ENPP3: variants seen among roughly 807,000 people sequenced by gnomAD.
The protein encoded by ENPP3 is ectonucleotide pyrophosphatase/phosphodiesterase family member 3.
ENPP3 carries 104 observed loss-of-function variants against 117.8 expected under a neutral mutation model. That is an observed-to-expected ratio of 0.88 (90% CI 0.75 to 1.04). The LOEUF is 1.04. Among genes scored for constraint, ENPP3 ranks in the 50% least tolerant of loss-of-function variants. The probability of loss-of-function intolerance (pLI) is 0.00; values close to 1 mark genes in which losing one functional copy is unlikely to be tolerated. For missense variants in ENPP3, 1,026 were observed against 1,051.9 expected, an observed-to-expected ratio of 0.98 and a Z score of 0.34; for synonymous variants, 380 against 349.9, an observed-to-expected ratio of 1.09 and a Z score of -0.96.
At chr6:131,743,824 CAAAATAAAATAAAAT>C (rs3884395) in intron 24 of ENPP3, among the ~76,000 whole-genome samples, 42 of 148,336 alleles carry the variant, frequency 2.8e-4, no homozygotes, top group African/African-American at 2.8e-4. Context: ...GACTCTGTCT[CAAAATAAAATAAAAT>C]AAAATAAAAT....
intron 15 of ENPP3, among the ~76,000 whole-genome samples, chr6:131,717,754 G>T (rs1585711462): frequency 6.6e-6 from 1 of 152,078 alleles, no homozygotes; most frequent in African/African-American, 2.4e-5. Flanking sequence ...GAATATACTA[G>T]CTTCTTTTTA....
At chr6:131,648,914 T>C (rs1778205265) in intron 2 of ENPP3, among the ~76,000 whole-genome samples, 1 of 152,190 alleles carries the variant, frequency 6.6e-6, no homozygotes, top group African/African-American at 2.4e-5. Context: ...TTAGTTTATG[T>C]CTCTCTTTCC....
chr6:131,735,431 C>T (rs1475436843), intron 21 of ENPP3, among the ~76,000 whole-genome samples: 2 of 151,984 alleles, frequency 1.3e-5, no homozygotes, highest in Non-Finnish European at 1.5e-5. Context: ...TTCTTCTTGT[C>T]TTTTGGTGCC....
chr6:131,652,579 G>A lies in ENPP3; in HGVS notation c.315G>A (p.Glu105=). Residue 105 remains glutamate, a synonymous_variant, in exon 4 of 25, where the codon GAG becomes GAA. Transcript: ENST00000357639. ...TGTGCAATAAATTTCGTTGTGGAGA[G>A]ACCAGATTAGAGGCCAGCCTTTGCT... The part of the protein sequence containing the change: ...IWMCNKFRCG[E]TRLEASLCSC... 1 of 1,613,986 alleles carries A rather than the reference G, an allele frequency of 6.2e-7. No individual in the cohort carries two copies. The highest frequency in any genetic ancestry group is 8.5e-7 in the Non-Finnish European group (1 of 1,179,906).
intron 20 of ENPP3, among the ~76,000 whole-genome samples, chr6:131,731,394 T>C (rs552970365): frequency 5.3e-5 from 8 of 152,338 alleles, no homozygotes; most frequent in African/African-American, 1.9e-4. Context: ...TTCAGGCTGG[T>C]TGTTTTCCAA....
At chr6:131,737,562 T>C in intron 22 of ENPP3, 130 bp downstream of exon 22, 3 of 611,458 alleles carry the variant, frequency 4.9e-6, no homozygotes, top group Non-Finnish European at 8.6e-6. Context: ...ATGGTTTAAA[T>C]ATAGGTATAG....
chr6:131,658,650 G>A (rs534247456), intron 6 of ENPP3, among the ~76,000 whole-genome samples: 2 of 152,206 alleles, frequency 1.3e-5, no homozygotes, highest in East Asian at 3.9e-4. Context: ...TGTTTATTTT[G>A]ATTTGCTTTA....
chr6:131,667,791 C>T (rs368822034), intron 6 of ENPP3, among the ~76,000 whole-genome samples: 2 of 152,246 alleles, frequency 1.3e-5, no homozygotes, highest in East Asian at 3.9e-4. Flanking sequence ...TTATGTGTGG[C>T]TATTGAATGA....
intron 22 of ENPP3, 41 bp downstream of exon 22, chr6:131,737,473 T>C: frequency 8.8e-7 from 1 of 1,133,176 alleles, no homozygotes. Flanking sequence ...AATAGTTAAG[T>C]GACTCCTTGA....
chr6:131,716,793 AC>A (rs1779899495), intron 15 of ENPP3, among the ~76,000 whole-genome samples: 1 of 138,658 alleles, frequency 7.2e-6, no homozygotes, highest in African/African-American at 2.6e-5. Flanking sequence ...ACATGGCAAA[AC>A]CCTCTCTCCA....
chr6:131,686,918 T>G (rs1779165540), intron 14 of ENPP3, among the ~76,000 whole-genome samples: 1 of 152,216 alleles, frequency 6.6e-6, no homozygotes, highest in Non-Finnish European at 1.5e-5. Flanking sequence ...ATACCATTGT[T>G]GAGCACCTGG....
intron 5 of ENPP3, among the ~76,000 whole-genome samples, chr6:131,653,855 A>G (rs758679280): frequency 3.3e-5 from 5 of 152,154 alleles, no homozygotes; most frequent in Non-Finnish European, 4.4e-5. Flanking sequence ...GGTGATGAAC[A>G]CGTGAGGTGA....
chr6:131,677,534 T>C (rs1397216936), intron 10 of ENPP3, among the ~76,000 whole-genome samples: 2 of 152,042 alleles, frequency 1.3e-5, no homozygotes, highest in Non-Finnish European at 2.9e-5. Flanking sequence ...AAGAAAGAAC[T>C]TGGTATAACA....
At chr6:131,658,299 A>G (rs749939802) in intron 5 of ENPP3, 24 bp from the exon 6 acceptor site, 7 of 1,319,014 alleles carry the variant, frequency 5.3e-6, no homozygotes, top group East Asian at 2.3e-5. Flanking sequence ...AAAACAATGG[A>G]CAAATTTTGT....
chr6:131,674,753 G>T (rs1362382349), intron 8 of ENPP3, among the ~76,000 whole-genome samples: 1 of 151,762 alleles, frequency 6.6e-6, no homozygotes, highest in Non-Finnish European at 1.5e-5. Context: ...TGTATTTTTA[G>T]TAGAGATGGG....
Position 131,686,848 on chromosome 6 carries a change from C to CT in ENPP3, c.1284+948dup, listed in dbSNP as rs552530229. 2.2e-3 allele frequency among the ~76,000 whole-genome samples: 342 copies of CT among 152,226 alleles called. 2 individuals carry two copies. The highest frequency in any genetic ancestry group is 8.0e-3 in the African/African-American group (334 of 41,536). On this transcript the variant is annotated intron_variant, in intron 14 of 24. Coordinates refer to ENST00000357639, the MANE Select transcript of ENPP3 (RefSeq NM_005021.5). ...GTGCTGCAAAGGACATGATTTCATT[C>CT]TTTTTTTATGGCTGCATAGTATTCT...
At chr6:131,655,270 A>G (rs995318620) in intron 5 of ENPP3, among the ~76,000 whole-genome samples, 1 of 152,208 alleles carries the variant, frequency 6.6e-6, no homozygotes, top group Admixed American at 6.5e-5. Context: ...ACATTCATAT[A>G]GTTCTTATTA....
intron 14 of ENPP3, among the ~76,000 whole-genome samples, chr6:131,687,816 A>G (rs369684589): frequency 6.6e-6 from 1 of 152,204 alleles, no homozygotes; most frequent in East Asian, 1.9e-4. Flanking sequence ...TTATAGTTAT[A>G]TATTTAAAAT....
chr6:131,693,625 G>A lies in ENPP3; in HGVS notation c.1412+1G>A. ...TGGATCAACAGTGGCTGGCTGTTAG[G>A]TTCGTGTATCTGTTTACTTATCTCA... On this transcript the variant is annotated splice_donor_variant, in intron 15 of 24. Transcript: ENST00000357639. LOFTEE classifies it high-confidence loss of function. 1 of 1,612,662 alleles carries A rather than the reference G, an allele frequency of 6.2e-7. No individual in the cohort carries two copies. The highest frequency in any genetic ancestry group is 1.3e-5 in the African/African-American group (1 of 74,958).
Sources: gnomAD v4.1 joint callset for allele counts (sites outside exome capture counted in the v4.1 genomes callset) on GRCh38, gnomAD v4.1.1 for gene constraint, MANE v1.5 for transcripts, NCBI Gene and HGNC (gene_info 2026-07-23, HGNC 2026-07-21) for gene names.